PALLD: variants seen among roughly 807,000 people sequenced by gnomAD.
The protein encoded by PALLD is palladin.
PALLD carries 61 observed loss-of-function variants against 123.5 expected under a neutral mutation model. The observed-to-expected ratio is 0.49, with a 90% CI of 0.40 to 0.61. The LOEUF (loss-of-function observed/expected upper bound fraction) is 0.61, where lower values mean the gene tolerates loss of function less well. Ranked by LOEUF, PALLD falls within the 20% of genes least tolerant of loss-of-function variation. PALLD has a pLI of 0.00. For synonymous variants in PALLD, 465 were observed against 496.4 expected (o/e 0.94, Z 0.84); for missense variants, 1,273 against 1,377.0 (o/e 0.92, Z 1.20).
rs143691649 is a variant in PALLD at position 168,914,101 on chromosome 4, T to C, written c.2717+80T>C. On this transcript the variant is annotated intron_variant, in intron 16 of 21. Transcript: ENST00000505667. The stretch of plus-strand genomic sequence containing the variant: ...ATGTAGTACTATTAGAATCATCATA[T>C]GACCACAAAAGTAAACATAACTGGA... The C allele has an allele frequency of 2.7e-4, 238 of 895,974 alleles. 1 individual carries two copies. The African/African-American group carries it at 3.3e-3, about 12-fold the overall frequency. 55.5% of individuals were successfully genotyped at this position (895,974 alleles called of 1,614,324 possible).
intron 10 of PALLD, among the ~76,000 whole-genome samples, chr4:168,794,786 T>A (rs1290487525): frequency 1.3e-5 from 2 of 152,176 alleles, no homozygotes; most frequent in African/African-American, 4.8e-5. Flanking sequence ...ACCCTGTGCT[T>A]AGTAAATAGT....
intron 3 of PALLD, among the ~76,000 whole-genome samples, chr4:168,677,539 A>G (rs1181496449): frequency 1.3e-5 from 2 of 152,142 alleles, no homozygotes; most frequent in African/African-American, 4.8e-5. Flanking sequence ...AACATTTTGA[A>G]TCAGGTGAAA....
intron 10 of PALLD, among the ~76,000 whole-genome samples, chr4:168,865,184 T>C (rs1560817439): frequency 6.6e-6 from 1 of 152,252 alleles, no homozygotes; most frequent in Non-Finnish European, 1.5e-5. Flanking sequence ...CTTTGGCCTC[T>C]AAGGAATGTC....
chr4:168,808,980 C>T (rs1740652438), intron 10 of PALLD, among the ~76,000 whole-genome samples: 1 of 152,170 alleles, frequency 6.6e-6, no homozygotes, highest in Admixed American at 6.5e-5. Context: ...GGGTGGACTA[C>T]CATCTTTTGA....
At chr4:168,799,554 C>T (rs1424187952) in intron 10 of PALLD, among the ~76,000 whole-genome samples, 1 of 152,178 alleles carries the variant, frequency 6.6e-6, no homozygotes, top group African/African-American at 2.4e-5. Context: ...ATTCAAGTCC[C>T]ATAGCTTAGA....
At chr4:168,645,702 A>T (rs1298239974) in intron 2 of PALLD, among the ~76,000 whole-genome samples, 1 of 152,204 alleles carries the variant, frequency 6.6e-6, no homozygotes, top group African/African-American at 2.4e-5. Context: ...GTTAGCTGCC[A>T]TTATTATTAG....
chr4:168,733,371 A>G (rs893922321), intron 10 of PALLD, among the ~76,000 whole-genome samples: 3 of 152,082 alleles, frequency 2.0e-5, no homozygotes, highest in African/African-American at 7.2e-5. Flanking sequence ...TGACTCCTGC[A>G]TGTTTTCTCT....
At chr4:168,822,980 G>C (rs946238358) in intron 10 of PALLD, among the ~76,000 whole-genome samples, 1 of 152,026 alleles carries the variant, frequency 6.6e-6, no homozygotes, top group Non-Finnish European at 1.5e-5. Context: ...CAAGGATAGG[G>C]CTGCATTATG....
chr4:168,509,495 A>G (rs962503190), intron 1 of PALLD, among the ~76,000 whole-genome samples: 1 of 152,240 alleles, frequency 6.6e-6, no homozygotes, highest in Non-Finnish European at 1.5e-5. Flanking sequence ...TTAAAAATAC[A>G]CTGAATATAA....
At chr4:168,919,548 T>C (rs1222228666) in intron 17 of PALLD, among the ~76,000 whole-genome samples, 1 of 150,684 alleles carries the variant, frequency 6.6e-6, no homozygotes, top group Non-Finnish European at 1.5e-5. Flanking sequence ...GTGAAAAACC[T>C]TGCCACATGT....
At chr4:168,598,814 A>G (rs546355139) in intron 2 of PALLD, 9 of 261,114 alleles carry the variant, frequency 3.4e-5, no homozygotes, top group Non-Finnish European at 5.5e-5. Context: ...ACACCAGCAT[A>G]CAGCAACAGC....
At chr4:168,698,282 G>A (rs1479835660) in intron 8 of PALLD, among the ~76,000 whole-genome samples, 1 of 152,104 alleles carries the variant, frequency 6.6e-6, no homozygotes, top group East Asian at 1.9e-4. Flanking sequence ...ATAAGACCTA[G>A]TATTTGATAG....
At chr4:168,517,355 A>G (rs1042038385) in intron 2 of PALLD, among the ~76,000 whole-genome samples, 7 of 152,170 alleles carry the variant, frequency 4.6e-5, no homozygotes, top group African/African-American at 1.7e-4. Context: ...TCTAAATACA[A>G]TTACTCATAT....
intron 10 of PALLD, among the ~76,000 whole-genome samples, chr4:168,808,532 A>C (rs1373724492): frequency 6.6e-6 from 1 of 152,224 alleles, no homozygotes; most frequent in African/African-American, 2.4e-5. Context: ...TTGAGTAGAT[A>C]CATAAGAGGA....
At chr4:168,786,865 G>C (rs1273952595) in intron 10 of PALLD, among the ~76,000 whole-genome samples, 3 of 152,066 alleles carry the variant, frequency 2.0e-5, no homozygotes, top group Non-Finnish European at 4.4e-5. Context: ...ACAACTTGGG[G>C]GTTATAAGAA....
chr4:168,571,475 G>A (rs766761099), intron 2 of PALLD, among the ~76,000 whole-genome samples: 3 of 152,202 alleles, frequency 2.0e-5, no homozygotes, highest in East Asian at 3.9e-4. Context: ...TAATATTTAC[G>A]TAACTTATCA....
At chr4:168,847,878 GA>G (rs888225873) in intron 10 of PALLD, among the ~76,000 whole-genome samples, 16 of 148,812 alleles carry the variant, frequency 1.1e-4, no homozygotes, top group Non-Finnish European at 1.5e-4. Context: ...TTCTAAAAAA[GA>G]AAAAAAAAGG....
intron 8 of PALLD, among the ~76,000 whole-genome samples, chr4:168,704,788 A>G (rs1344500806): frequency 6.6e-6 from 1 of 152,112 alleles, no homozygotes; most frequent in African/African-American, 2.4e-5. Flanking sequence ...TCAGGAAACT[A>G]CATTTGGTTC....
intron 2 of PALLD, among the ~76,000 whole-genome samples, chr4:168,583,429 G>A (rs1361510455): frequency 1.3e-5 from 2 of 152,164 alleles, no homozygotes; most frequent in Non-Finnish European, 2.9e-5. Flanking sequence ...CGATTCAGCA[G>A]GTCTGGGCTG....
Sources: allele counts gnomAD v4.1 joint callset (sites outside exome capture counted in the v4.1 genomes callset), GRCh38; gene constraint gnomAD v4.1.1; transcripts MANE v1.5; gene names NCBI Gene and HGNC (gene_info 2026-07-23, HGNC 2026-07-21).